The following SHQ1 variants were observed in gnomAD, a reference collection of about 807,000 sequenced individuals.
The protein encoded by SHQ1 is SHQ1, H/ACA ribonucleoprotein assembly factor, also known as protein SHQ1 homolog.
SHQ1 carries 49 observed loss-of-function variants against 53.8 expected under a neutral mutation model. That is an observed-to-expected ratio of 0.91 (90% confidence interval 0.72 to 1.16). SHQ1 has a LOEUF of 1.16. SHQ1 is among the 50% of genes most tolerant of loss of function. SHQ1 has a pLI of 0.00. For synonymous variants in SHQ1, 243 were observed against 251.0 expected, an observed-to-expected ratio of 0.97 and a Z score of 0.30; for missense variants, 738 against 683.1, an observed-to-expected ratio of 1.08 and a Z score of -0.90.
At chr3:72,846,500 G>A (rs1708332441) in intron 1 of SHQ1, 10 of 549,560 alleles carry the variant, frequency 1.8e-5, no homozygotes, top group Non-Finnish European at 2.6e-5. Context: ...GTTTAACCAT[G>A]TTGGTCAGGC....
intron 10 of SHQ1, among the ~76,000 whole-genome samples, chr3:72,751,531 C>CATATATATAT (rs1414467779): frequency 1.1e-5 from 1 of 94,086 alleles, no homozygotes; most frequent in African/African-American, 4.6e-5. Context: ...TATATATATA[C>CATATATATAT]ATATACATAC....
intron 4 of SHQ1, among the ~76,000 whole-genome samples, chr3:72,839,180 G>A (rs958853303): frequency 2.0e-5 from 3 of 152,180 alleles, no homozygotes; most frequent in Admixed American, 1.3e-4. Context: ...TACTTAGCCT[G>A]TGTGACATTT....
chr3:72,822,700 T>A (rs1436069986), intron 6 of SHQ1, among the ~76,000 whole-genome samples: 1 of 152,200 alleles, frequency 6.6e-6, no homozygotes, highest in Non-Finnish European at 1.5e-5. Flanking sequence ...CATGATCAGA[T>A]CTACCTAGCA....
intron 9 of SHQ1, among the ~76,000 whole-genome samples, chr3:72,804,892 A>G (rs1012821269): frequency 1.1e-4 from 16 of 152,180 alleles, no homozygotes; most frequent in African/African-American, 3.6e-4. Context: ...ACCTAAATAT[A>G]TACATAATCA....
chr3:72,729,636 T>C, the SHQ1 span, among the ~76,000 whole-genome samples: 5 of 152,206 alleles, frequency 3.3e-5, no homozygotes, highest in Non-Finnish European at 1.5e-5. Flanking sequence ...TAAAATCTTA[T>C]TACATCTAAA....
the SHQ1 span, among the ~76,000 whole-genome samples, chr3:72,725,318 A>G: frequency 2.6e-5 from 4 of 151,804 alleles, no homozygotes; most frequent in Non-Finnish European, 5.9e-5. Context: ...TGGCCTCTGC[A>G]CTCTCTTCCC....
At chr3:72,732,423 T>G in the SHQ1 span, among the ~76,000 whole-genome samples, 1 of 146,248 alleles carries the variant, frequency 6.8e-6, no homozygotes, top group African/African-American at 2.6e-5. Flanking sequence ...CCTTCCTTCC[T>G]TCCTCTCTCT....
chr3:72,775,564 T>C (rs1705942282), intron 10 of SHQ1, among the ~76,000 whole-genome samples: 1 of 151,638 alleles, frequency 6.6e-6, no homozygotes, highest in South Asian at 2.1e-4. Context: ...TGTTAAGTCA[T>C]TTTATCAGGA....
intron 10 of SHQ1, among the ~76,000 whole-genome samples, chr3:72,787,725 C>G (rs539687530): frequency 5.9e-5 from 9 of 152,020 alleles, no homozygotes; most frequent in Non-Finnish European, 1.3e-4. Flanking sequence ...CTCCCCCTCC[C>G]TCTCCCCTCT....
rs115405470 is a variant in SHQ1 at position 72,786,669 on chromosome 3, C to G, written c.1181+6247G>C. ...AGCTCCCATACTTGCCCACTGTAGC[C>G]GCTATTGGGTATAATACATTACATC... On this transcript the variant is annotated intron_variant, in intron 10 of 10. Transcript: ENST00000325599. Among the ~76,000 whole-genome samples the G allele has an allele frequency of 4.7e-3, 723 of 152,232 alleles. 4 individuals carry two copies. The highest frequency in any genetic ancestry group is 0.016 in the African/African-American group (677 of 41,540).
At chr3:72,808,695 G>C (rs1707029707) in intron 9 of SHQ1, among the ~76,000 whole-genome samples, 1 of 152,126 alleles carries the variant, frequency 6.6e-6, no homozygotes, top group South Asian at 2.1e-4. Flanking sequence ...ATTATGGGGT[G>C]TCCGAACAAA....
intron 10 of SHQ1, chr3:72,753,751 T>C (rs1705439348): frequency 1.1e-5 from 6 of 526,460 alleles, no homozygotes; most frequent in Non-Finnish European, 1.5e-5. Context: ...GCTAATCTTT[T>C]ATCAGTCTGA....
At chr3:72,758,336 T>C (rs1185391054) in intron 10 of SHQ1, among the ~76,000 whole-genome samples, 7 of 152,252 alleles carry the variant, frequency 4.6e-5, no homozygotes, top group East Asian at 1.9e-4. Context: ...TTAAACCATA[T>C]CTAGTTTGGG....
intron 2 of SHQ1, among the ~76,000 whole-genome samples, chr3:72,844,046 T>C (rs1006475035): frequency 5.3e-5 from 8 of 152,248 alleles, no homozygotes; most frequent in Non-Finnish European, 1.2e-4. Flanking sequence ...TCATCTACAT[T>C]TTTTATGATC....
chr3:72,787,694 A>C (rs1706278017), intron 10 of SHQ1, among the ~76,000 whole-genome samples: 1 of 152,114 alleles, frequency 6.6e-6, no homozygotes, highest in African/African-American at 2.4e-5. Flanking sequence ...TTAAAAATGC[A>C]TTGGGGCTCT....
At chr3:72,843,752 C>T (rs112501610) in intron 2 of SHQ1, among the ~76,000 whole-genome samples, 1 of 152,132 alleles carries the variant, frequency 6.6e-6, no homozygotes, top group Admixed American at 6.5e-5. Flanking sequence ...CCCACCCCCC[C>T]ATACCCTACC....
At chr3:72,742,712 C>T in the SHQ1 span, among the ~76,000 whole-genome samples, 1 of 150,210 alleles carries the variant, frequency 6.7e-6, no homozygotes, top group Non-Finnish European at 1.5e-5. Flanking sequence ...TGCCTCCCAA[C>T]TTCAAGCGTT....
the SHQ1 span, among the ~76,000 whole-genome samples, chr3:72,742,017 G>A: frequency 6.6e-6 from 1 of 151,872 alleles, no homozygotes; most frequent in East Asian, 1.9e-4. Context: ...AGGAAGTCCT[G>A]GAACCAATCT....
chr3:72,736,417 A>C, the SHQ1 span, among the ~76,000 whole-genome samples: 3 of 151,836 alleles, frequency 2.0e-5, no homozygotes, highest in Admixed American at 6.6e-5. Flanking sequence ...AATCAAGGCT[A>C]TTAGGTAAGT....
Sources: allele counts gnomAD v4.1 joint callset (sites outside exome capture counted in the v4.1 genomes callset), GRCh38; gene constraint gnomAD v4.1.1; transcripts MANE v1.5; gene names NCBI Gene and HGNC (gene_info 2026-07-23, HGNC 2026-07-21).